The following GCNT1 variants were observed in gnomAD, a reference collection of about 807,000 sequenced individuals.
GCNT1 encodes beta-1,3-galactosyl-O-glycosyl-glycoprotein beta-1,6-N-acetylglucosaminyltransferase.
In GCNT1, 16 loss-of-function variants were observed where a neutral mutation model predicts 26.2. That is an observed-to-expected ratio of 0.61 (90% CI 0.41 to 0.93). The LOEUF is 0.93. Among genes scored for constraint, GCNT1 ranks in the 40% least tolerant of loss-of-function variants. The pLI, the probability that GCNT1 is intolerant of heterozygous loss-of-function variation, is 0.00. For missense variants in GCNT1, 477 were observed against 526.7 expected (o/e 0.91, Z 0.92); for synonymous variants, 183 against 190.8 (o/e 0.96, Z 0.34).
upstream of GCNT1, chr9:76,419,765 A>T (rs2131569204): frequency 6.6e-6 from 1 of 152,358 alleles, no homozygotes; most frequent in East Asian, 1.9e-4. Flanking sequence ...ACAGAATTGA[A>T]TCCTGACATA....
intron 2 of GCNT1, among the ~76,000 whole-genome samples, chr9:76,485,599 T>C (rs1824551401): frequency 6.6e-6 from 1 of 152,216 alleles, no homozygotes. Flanking sequence ...TGGAGCTGTT[T>C]ACTTGCTTTA....
In GCNT1 at chr9:76,503,943, C is replaced by G. The variant is rs142834264; in HGVS notation, c.*275C>G. The G allele has an allele frequency of 1.4e-5, 6 of 443,468 alleles. No individual in the cohort carries two copies. The highest frequency in any genetic ancestry group is 2.1e-5 in the Non-Finnish European group (5 of 233,514). 27.5% of individuals were successfully genotyped at this position (443,468 alleles called of 1,614,324 possible). ...GCAAGGCATTGTGGAAAGAGGGGAC[C>G]AGGGTGGCTGGGGAAGAGGCCGATG... On this transcript the variant is annotated 3_prime_UTR_variant, in exon 4 of 4. Transcript: ENST00000376730.
intron 2 of GCNT1, among the ~76,000 whole-genome samples, chr9:76,487,377 G>A (rs1824608203): frequency 6.6e-6 from 1 of 152,184 alleles, no homozygotes; most frequent in Non-Finnish European, 1.5e-5. Flanking sequence ...AGTAGTCCTT[G>A]GAGAGTCAGT....
At chr9:76,481,728 C>T (rs1252736296) in intron 2 of GCNT1, among the ~76,000 whole-genome samples, 2 of 152,118 alleles carry the variant, frequency 1.3e-5, no homozygotes, top group Non-Finnish European at 2.9e-5. Flanking sequence ...AGATTTTACC[C>T]TACTTGAAAG....
the GCNT1 span, among the ~76,000 whole-genome samples, chr9:76,404,477 A>G: frequency 1.3e-5 from 2 of 152,046 alleles, no homozygotes; most frequent in African/African-American, 4.8e-5. Context: ...GCTCCCAAAT[A>G]TTTTTCACTC....
chr9:76,449,392 T>G (rs1332991084), intron 1 of GCNT1, among the ~76,000 whole-genome samples: 1 of 151,998 alleles, frequency 6.6e-6, no homozygotes, highest in Non-Finnish European at 1.5e-5. Flanking sequence ...CATATTGGCA[T>G]AAGGATTATT....
intron 3 of GCNT1, among the ~76,000 whole-genome samples, chr9:76,501,558 T>C (rs1825069878): frequency 6.6e-6 from 1 of 152,236 alleles, no homozygotes; most frequent in African/African-American, 2.4e-5. Flanking sequence ...GGAACTAAAC[T>C]CATTGTGGGA....
intron 1 of GCNT1, among the ~76,000 whole-genome samples, chr9:76,430,162 G>C (rs2131576361): frequency 6.6e-6 from 1 of 152,298 alleles, no homozygotes; most frequent in East Asian, 1.9e-4. Context: ...ATGTATACAG[G>C]AATGGGAGAA....
rs376231188 is a variant in GCNT1, at chr9:76,432,034, G to A, written n.38+12147G>A. ...TGAGGCAGAAGAATCGCTTAAACCC[G>A]GGAGGCAGAGGTGGCAGCAAGCTGA... On this transcript the variant is annotated intron_variant and non_coding_transcript_variant, in intron 1 of 3. Coordinates refer to the GCNT1 transcript ENST00000488136. Among the ~76,000 whole-genome samples, 21 of 152,100 alleles carry A rather than the reference G, an allele frequency of 1.4e-4. No individual in the cohort carries two copies. In the East Asian group the frequency reaches 1.7e-3, roughly 13 times the overall value.
the GCNT1 span, among the ~76,000 whole-genome samples, chr9:76,411,573 C>T: frequency 1.1e-3 from 161 of 152,190 alleles, 1 homozygote; most frequent in Non-Finnish European, 1.8e-3. Flanking sequence ...AAGCCATCCA[C>T]CTGCCTCAGC....
chr9:76,452,798 C>A (rs1587418985), intron 1 of GCNT1, among the ~76,000 whole-genome samples: 1 of 152,110 alleles, frequency 6.6e-6, no homozygotes, highest in East Asian at 1.9e-4. Flanking sequence ...CTGATCGAAA[C>A]CATATCACCC....
Position 76,503,549 on chromosome 9 carries a change from T to C in GCNT1, c.1168T>C (p.Trp390Arg), listed in dbSNP as rs777449301. Reference sequence around the variant, plus strand: ...CATTTTCGGAGCTGGTGACTTGAACTGGATGCTGCGCAAACACCACTTGTT... The same window carrying C: ...CATTTTCGGAGCTGGTGACTTGAACCGGATGCTGCGCAAACACCACTTGTT... ...VCIFGAGDLN[W>R]MLRKHHLFAN... The change falls in exon 4 of 4, where the codon TGG becomes CGG. Residue 390 changes from tryptophan to arginine, a missense_variant. Coordinates refer to ENST00000376730, the MANE Select transcript of GCNT1 (RefSeq NM_001490.5). 48 of 1,614,104 alleles carry C rather than the reference T, an allele frequency of 3.0e-5. No homozygotes were observed. The highest frequency in any genetic ancestry group is 4.0e-5 in the Non-Finnish European group (47 of 1,180,040).
chr9:76,432,896 C>T (rs999925380), intron 1 of GCNT1, among the ~76,000 whole-genome samples: 2 of 152,026 alleles, frequency 1.3e-5, no homozygotes, highest in Middle Eastern at 3.2e-3. Context: ...TTTTTACAGT[C>T]GTGCTCACCT....
chr9:76,477,191 A>C (rs1205900773), intron 2 of GCNT1, among the ~76,000 whole-genome samples: 1 of 151,520 alleles, frequency 6.6e-6, no homozygotes, highest in Non-Finnish European at 1.5e-5. Context: ...CTGGGATTAC[A>C]GGCACGAGCC....
At chr9:76,394,021 C>A in the GCNT1 span, 15 of 1,456,600 alleles carry the variant, frequency 1.0e-5, no homozygotes, top group Admixed American at 4.2e-5. Context: ...GGTCCCAAGT[C>A]CCCGGCTGCC....
the GCNT1 span, among the ~76,000 whole-genome samples, chr9:76,401,653 T>C: frequency 6.6e-6 from 1 of 152,240 alleles, no homozygotes; most frequent in Non-Finnish European, 1.5e-5. Context: ...ATCATGTATA[T>C]TTTATATGTA....
At chr9:76,494,418 G>A (rs1239674535) in intron 2 of GCNT1, among the ~76,000 whole-genome samples, 2 of 152,148 alleles carry the variant, frequency 1.3e-5, no homozygotes, top group Non-Finnish European at 2.9e-5. Flanking sequence ...CCCTGAGGGA[G>A]GGAAGGGATC....
At chr9:76,424,465 G>T (rs1216676181) in intron 1 of GCNT1, among the ~76,000 whole-genome samples, 1 of 152,206 alleles carries the variant, frequency 6.6e-6, no homozygotes, top group African/African-American at 2.4e-5. Context: ...ATTTGGAACT[G>T]AGAGGCAATA....
upstream of GCNT1, chr9:76,459,072 C>G (rs868672454): frequency 2.6e-5 from 4 of 152,304 alleles, no homozygotes; most frequent in African/African-American, 9.6e-5. Context: ...GCGGGAACCG[C>G]GAGTCCGCAG....
Sources: allele counts gnomAD v4.1 joint callset (sites outside exome capture counted in the v4.1 genomes callset), GRCh38; gene constraint gnomAD v4.1.1; transcripts MANE v1.5; gene names NCBI Gene and HGNC (gene_info 2026-07-23, HGNC 2026-07-21).